The following WDFY3 variants were observed in gnomAD, a reference collection of about 807,000 sequenced individuals.
WDFY3 encodes WD repeat and FYVE domain containing 3, also known as WD repeat and FYVE domain-containing protein 3.
In WDFY3, 66 loss-of-function variants were observed where a neutral mutation model predicts 409.6. That is an observed-to-expected ratio of 0.16 (90% CI 0.13 to 0.20). The LOEUF (loss-of-function observed/expected upper bound fraction) is 0.20. Ranked by LOEUF, WDFY3 falls within the 10% of genes least tolerant of loss-of-function variation. The pLI is 1.00. For missense variants in WDFY3, 3,031 were observed against 4,298.1 expected, an observed-to-expected ratio of 0.71 and a Z score of 8.24; for synonymous variants, 1,521 against 1,537.1, an observed-to-expected ratio of 0.99 and a Z score of 0.25.
In WDFY3 at chr4:84,711,272, C is replaced by G. The variant is rs1319330948; in HGVS notation, c.8042+1887G>C. On this transcript the variant is annotated intron_variant, in intron 51 of 67. Transcript: ENST00000295888. ...GAGCATAAAGGAATCACTGATAGGTCAGAATACATAAAAACAGAAGTTTAA... is the reference window on the plus strand; with the variant it reads ...GAGCATAAAGGAATCACTGATAGGTGAGAATACATAAAAACAGAAGTTTAA... 3.3e-5 allele frequency among the ~76,000 whole-genome samples: 5 copies of G among 152,202 alleles called. No individual in the cohort carries two copies. In the East Asian group the frequency reaches 9.7e-4, roughly 29 times the overall value.
chr4:84,936,245 G>A (rs201414358), intron 1 of WDFY3, among the ~76,000 whole-genome samples: 1 of 152,138 alleles, frequency 6.6e-6, no homozygotes, highest in East Asian at 1.9e-4. Context: ...TTTGGGTGGG[G>A]AGTGGTGGCT....
At chr4:84,947,572 A>C (rs1412975079) in intron 1 of WDFY3, among the ~76,000 whole-genome samples, 2 of 148,402 alleles carry the variant, frequency 1.3e-5, no homozygotes, top group Non-Finnish European at 3.0e-5. Flanking sequence ...ATAAAATAAA[A>C]TAAAAATTCC....
At position 84,775,142 on chromosome 4, in the gene WDFY3, T is replaced by C; in HGVS notation, c.4519-4A>G. 2 of 1,611,502 alleles carry C rather than the reference T, an allele frequency of 1.2e-6. No individual in the cohort carries two copies. The highest frequency in any genetic ancestry group is 1.7e-6 in the Non-Finnish European group (2 of 1,179,292). The stretch of plus-strand genomic sequence containing the variant: ...CATATGGTGCATGGAGCCAGACCTA[T>C]AATAAATAAAAACAGTAGTATATTT... On this transcript the variant is annotated splice_region_variant and splice_polypyrimidine_tract_variant and intron_variant, in intron 27 of 67. Transcript: ENST00000295888.
chr4:84,764,315 C>A (rs1479711703), intron 32 of WDFY3, among the ~76,000 whole-genome samples: 1 of 152,164 alleles, frequency 6.6e-6, no homozygotes, highest in Admixed American at 6.5e-5. Context: ...CTTCTTACTA[C>A]CAAAATGTTC....
At chr4:84,691,593 G>A in intron 60 of WDFY3, 38 bp downstream of exon 60, 1 of 1,604,168 alleles carries the variant, frequency 6.2e-7, no homozygotes, top group Non-Finnish European at 8.5e-7. Flanking sequence ...GACCACAAAA[G>A]AGCAATATTA....
chr4:84,784,856 A>ATG (rs1362352399), intron 24 of WDFY3, among the ~76,000 whole-genome samples: 107 of 51,116 alleles, frequency 2.1e-3, no homozygotes, highest in South Asian at 0.012. Flanking sequence ...AAAAGTGTAT[A>ATG]TGTATATATA....
intron 1 of WDFY3, among the ~76,000 whole-genome samples, chr4:84,953,292 C>T (rs760447434): frequency 3.3e-5 from 5 of 151,144 alleles, no homozygotes; most frequent in South Asian, 2.1e-4. Context: ...GTCACGGTTG[C>T]GCAGAGGAAA....
At chr4:84,938,234 A>G (rs1771684819) in intron 1 of WDFY3, among the ~76,000 whole-genome samples, 1 of 152,142 alleles carries the variant, frequency 6.6e-6, no homozygotes, top group African/African-American at 2.4e-5. Flanking sequence ...TTACTCTCTT[A>G]AGGCTAAAAA....
At chr4:84,816,263 GT>G (rs1753282669) in intron 13 of WDFY3, among the ~76,000 whole-genome samples, 2 of 152,078 alleles carry the variant, frequency 1.3e-5, no homozygotes, top group Admixed American at 6.6e-5. Context: ...ACAAGAGCAG[GT>G]TTTTAGTCAC....
At chr4:84,800,859 C>T (rs1371422893) in intron 17 of WDFY3, among the ~76,000 whole-genome samples, 1 of 152,134 alleles carries the variant, frequency 6.6e-6, no homozygotes, top group Non-Finnish European at 1.5e-5. Flanking sequence ...GCTGATTTGA[C>T]AGGAGGCAGA....
Position 84,753,794 on chromosome 4 carries a change from T to C in WDFY3, c.5642A>G (p.Asn1881Ser), listed in dbSNP as rs1381148452. 1.2e-6 allele frequency: 2 copies of C among 1,612,286 alleles called. No individual in the cohort carries two copies. The highest frequency in any genetic ancestry group is 1.1e-5 in the South Asian group (1 of 90,912). ...CCACATGGAGGCAAGGTCTGGCACG[T>C]TGTGATACAAATATCTGAAGAACTG... ...LMQFFRYLYH[N>S]VPDLASMWMS... Residue 1881 changes from asparagine (N) to serine (S), a missense_variant, in exon 35 of 68, where the codon AAC (asparagine) becomes AGC (serine). Asn to Ser is a conservative substitution (Grantham distance 46, BLOSUM62 1). Around this residue, in one of 16 missense-constraint regions of WDFY3, gnomAD observed 342 missense variants for 463.7 expected, o/e 0.74. Transcript: ENST00000295888.
chr4:84,830,940 G>A (rs908532928), intron 8 of WDFY3, among the ~76,000 whole-genome samples: 2 of 152,086 alleles, frequency 1.3e-5, no homozygotes, highest in African/African-American at 4.8e-5. Context: ...TGTAATCCCA[G>A]CACTTTGGGA....
intron 6 of WDFY3, among the ~76,000 whole-genome samples, chr4:84,839,275 C>T (rs981511460): frequency 2.6e-5 from 4 of 151,766 alleles, no homozygotes; most frequent in African/African-American, 9.7e-5. Flanking sequence ...GTTTTAATAG[C>T]AAATAAACAT....
intron 3 of WDFY3, among the ~76,000 whole-genome samples, chr4:84,887,247 T>A (rs1288601457): frequency 6.6e-6 from 1 of 152,186 alleles, no homozygotes; most frequent in Non-Finnish European, 1.5e-5. Context: ...CAGGGAAACC[T>A]AATCTAGCTT....
At chr4:84,937,325 C>CCAACT (rs1480310477) in intron 1 of WDFY3, among the ~76,000 whole-genome samples, 7 of 152,124 alleles carry the variant, frequency 4.6e-5, no homozygotes, top group African/African-American at 1.7e-4. Flanking sequence ...TTGGTTTCAT[C>CCAACT]CTATCTCATC....
At position 84,778,756 on chromosome 4, in the gene WDFY3, CACAA is replaced by C. The variant is rs528606568; in HGVS notation, c.4366-105_4366-102del. 1,067 of 1,083,184 alleles carry C rather than the reference CACAA, an allele frequency of 9.9e-4. 8 individuals are homozygous for C. In the African/African-American group the frequency reaches 0.014, roughly 14 times the overall value. 67.1% of individuals were successfully genotyped at this position (1,083,184 alleles called of 1,614,324 possible). ...ACACACACAAACACACACATACACA[CACAA>C]ACACACACATACACACAGAATCCTA... On this transcript the variant is annotated intron_variant, in intron 26 of 67. Coordinates refer to ENST00000295888, the MANE Select transcript of WDFY3 (RefSeq NM_014991.6).
rs187717198 is a variant in WDFY3, at chr4:84,702,444, C to T, written c.8505G>A (p.Ala2835=). The change falls in exon 56 of 68, where the codon GCG becomes GCA. Residue 2835 remains alanine, a synonymous_variant. Coordinates refer to ENST00000295888, the MANE Select transcript of WDFY3 (RefSeq NM_014991.6). ...TTACATCTGCCATATTGTGCTTTGACGCTGAATACCAGGCCTCGCGCACAC... is the reference window on the plus strand; with the variant it reads ...TTACATCTGCCATATTGTGCTTTGATGCTGAATACCAGGCCTCGCGCACAC... ...FHSVREAWYS[A]SKHNMADVKE... 740 of 1,613,858 alleles carry T rather than the reference C, an allele frequency of 4.6e-4. 6 individuals are homozygous for T. In the East Asian group the frequency reaches 0.012, roughly 27 times the overall value.
At chr4:84,769,432 T>G (rs1240442917) in intron 30 of WDFY3, among the ~76,000 whole-genome samples, 1 of 152,144 alleles carries the variant, frequency 6.6e-6, no homozygotes, top group East Asian at 1.9e-4. Flanking sequence ...ATTATTTTTT[T>G]GAGACGAAGT....
chr4:84,703,087 T>A (rs1286786272), intron 55 of WDFY3, among the ~76,000 whole-genome samples: 5 of 149,726 alleles, frequency 3.3e-5, no homozygotes, highest in Non-Finnish European at 7.4e-5. Flanking sequence ...ATAGCGAGAC[T>A]CTGTCTCAAA....
Sources: gnomAD v4.1 joint callset for allele counts (sites outside exome capture counted in the v4.1 genomes callset) on GRCh38, gnomAD v4.1.1 for gene constraint, gnomAD v4.1.1 regional missense constraint, MANE v1.5 for transcripts, NCBI Gene and HGNC (gene_info 2026-07-23, HGNC 2026-07-21) for gene names.